The following NARS2 variants were observed in gnomAD, a reference collection of about 807,000 sequenced individuals.
NARS2 encodes the protein asparaginyl-tRNA synthetase.
NARS2 carries 60 observed loss-of-function variants against 62.9 expected under a neutral mutation model. The ratio of observed to expected loss-of-function variants is 0.95; its 90% CI spans 0.77 to 1.18. The LOEUF (loss-of-function observed/expected upper bound fraction) is 1.18, where lower values mean the gene tolerates loss of function less well. Ranked by LOEUF, NARS2 falls within the 50% of genes most tolerant of loss-of-function variation. The pLI, the probability that NARS2 is intolerant of heterozygous loss-of-function variation, is 0.00. For missense variants in NARS2, 619 were observed against 576.4 expected, an observed-to-expected ratio of 1.07 and a Z score of -0.76; for synonymous variants, 196 against 200.0, an observed-to-expected ratio of 0.98 and a Z score of 0.17.
At chr11:78,473,299 A>T (rs939395045) in intron 9 of NARS2, among the ~76,000 whole-genome samples, 7 of 152,242 alleles carry the variant, frequency 4.6e-5, no homozygotes, top group African/African-American at 1.7e-4. Flanking sequence ...GTTCTAAGGT[A>T]ACAGGTATTT....
intron 9 of NARS2, among the ~76,000 whole-genome samples, chr11:78,471,180 G>T (rs1204697220): frequency 6.6e-6 from 1 of 152,108 alleles, no homozygotes; most frequent in Non-Finnish European, 1.5e-5. Context: ...CAGTAATAAC[G>T]ATTTTAAAAT....
chr11:78,507,899 G>T (rs1860565853), intron 6 of NARS2, among the ~76,000 whole-genome samples: 1 of 152,110 alleles, frequency 6.6e-6, no homozygotes, highest in African/African-American at 2.4e-5. Flanking sequence ...TAAATCCACA[G>T]AAATTGTCCC....
intron 5 of NARS2, among the ~76,000 whole-genome samples, chr11:78,532,859 T>C (rs1354124338): frequency 1.3e-5 from 2 of 152,332 alleles, no homozygotes; most frequent in Non-Finnish European, 1.5e-5. Context: ...CTGCTGTAAC[T>C]CATAAATCAG....
intron 4 of NARS2, among the ~76,000 whole-genome samples, chr11:78,563,215 A>ATT (rs71046983): frequency 0.026 from 2,981 of 115,666 alleles, 136 homozygotes; most frequent in African/African-American, 0.03. Flanking sequence ...AACCACTTGA[A>ATT]TTTTTTTTTT....
chr11:78,469,161 ATT>A (rs1283980288), intron 10 of NARS2, 84 bp downstream of exon 10: 117 of 901,048 alleles, frequency 1.3e-4, no homozygotes, highest in Non-Finnish European at 2.0e-4. Context: ...AATTAAGATG[ATT>A]TTGAAAGATT....
intron 11 of NARS2, among the ~76,000 whole-genome samples, chr11:78,461,695 C>T (rs988086619): frequency 1.4e-5 from 2 of 146,900 alleles, no homozygotes; most frequent in African/African-American, 5.1e-5. Flanking sequence ...GCCTGTAATC[C>T]AAACACTTTA....
In NARS2 at chr11:78,442,951, C is replaced by A. The variant is rs530181140; in HGVS notation, c.1262+710G>T. Among the ~76,000 whole-genome samples the A allele has an allele frequency of 1.2e-3, 184 of 152,276 alleles. No individual in the cohort carries two copies. The South Asian group carries it at 0.013, about 11-fold the overall frequency. On this transcript the variant is annotated intron_variant, in intron 12 of 13. Transcript: ENST00000281038. ...TTCCCCAACTTCATCCTTTCCCTGG[C>A]TCAGAGTTTGTCTTTATGTCCTTAT... is the stretch of plus-strand genomic sequence containing the variant.
chr11:78,547,461 A>G (rs938276852), intron 5 of NARS2, among the ~76,000 whole-genome samples: 7 of 152,252 alleles, frequency 4.6e-5, no homozygotes, highest in Non-Finnish European at 1.0e-4. Context: ...TGAAATACAT[A>G]TATTGATACA....
chr11:78,457,853 TATC>T (rs887585613), intron 11 of NARS2, among the ~76,000 whole-genome samples: 8 of 152,052 alleles, frequency 5.3e-5, no homozygotes, highest in African/African-American at 1.7e-4. Flanking sequence ...CATTGTACTT[TATC>T]ATAAGATTTT....
In NARS2 at chr11:78,436,640, G is replaced by C; in HGVS notation, c.*30C>G. ...AATCATGTGCAGTGTCTCTGCCATGGGGGGTGCTTTTCCTTAACCAATCTT... is the reference window on the plus strand; with the variant it reads ...AATCATGTGCAGTGTCTCTGCCATGCGGGGTGCTTTTCCTTAACCAATCTT... On this transcript the variant is annotated 3_prime_UTR_variant, in exon 14 of 14. Coordinates refer to ENST00000281038, the MANE Select transcript of NARS2 (RefSeq NM_024678.6). 1.2e-6 allele frequency: 2 copies of C among 1,612,954 alleles called. No homozygotes were observed. The highest frequency in any genetic ancestry group is 1.7e-6 in the Non-Finnish European group (2 of 1,179,168).
chr11:78,455,675 T>C (rs61454002), intron 11 of NARS2, among the ~76,000 whole-genome samples: 2,450 of 152,094 alleles, frequency 0.016, 55 homozygotes, highest in African/African-American at 0.056. Context: ...TCTAAGTCCA[T>C]AGCTCTTCCT....
At chr11:78,566,097 T>C (rs1204751677) in intron 4 of NARS2, 35 bp downstream of exon 4, 4 of 1,548,550 alleles carry the variant, frequency 2.6e-6, no homozygotes, top group Non-Finnish European at 3.5e-6. Flanking sequence ...ATTAAAACTG[T>C]TTAAAGGGTC....
chr11:78,563,828 T>TC (rs1344954471), intron 4 of NARS2, among the ~76,000 whole-genome samples: 7 of 16,084 alleles, frequency 4.4e-4, no homozygotes, highest in African/African-American at 9.4e-4. Flanking sequence ...GAACTCTGTA[T>TC]CAAAAAAAAA....
In NARS2 at chr11:78,493,071, G is replaced by T. The variant is rs1350346125; in HGVS notation, c.814C>A (p.Leu272Ile). ...EISFVDSLQD[L>I]MQVIEELFKA... Reference sequence around the variant, plus strand: ...AAAACTTGTGTACCTACCTGCATAAGATCTTGAAGGCTGTCAACAAAAGAA... The same window carrying T: ...AAAACTTGTGTACCTACCTGCATAATATCTTGAAGGCTGTCAACAAAAGAA... The change falls in exon 7 of 14, where the codon CTT (leucine) becomes ATT (isoleucine). Residue 272 changes from leucine (L) to isoleucine (I), a missense_variant. Transcript: ENST00000281038. The T allele has an allele frequency of 6.2e-7, 1 of 1,610,796 alleles. No individual in the cohort carries two copies. Among genetic ancestry groups the T allele is most frequent in the Non-Finnish European group, 8.5e-7 (1 of 1,178,900 alleles).
At chr11:78,468,515 C>T (rs757638200) in intron 10 of NARS2, among the ~76,000 whole-genome samples, 2 of 150,988 alleles carry the variant, frequency 1.3e-5, no homozygotes, top group African/African-American at 4.9e-5. Context: ...TGCCATTCTC[C>T]TGCCTCAGCC....
At chr11:78,512,300 C>G (rs956730769) in intron 6 of NARS2, among the ~76,000 whole-genome samples, 1 of 152,172 alleles carries the variant, frequency 6.6e-6, no homozygotes, top group Non-Finnish European at 1.5e-5. Flanking sequence ...AACTCCAGTT[C>G]TGTCAGTAAT....
chr11:78,484,697 T>C (rs1591187905), intron 7 of NARS2, among the ~76,000 whole-genome samples: 1 of 152,162 alleles, frequency 6.6e-6, no homozygotes, highest in Admixed American at 6.6e-5. Flanking sequence ...CCATCTTATA[T>C]CAGTTAGAAT....
At chr11:78,444,715 T>A (rs1857691590) in intron 11 of NARS2, among the ~76,000 whole-genome samples, 1 of 89,104 alleles carries the variant, frequency 1.1e-5, no homozygotes, top group Non-Finnish European at 2.2e-5. Context: ...CAAGACTCTG[T>A]CTCAAACAAA....
At position 78,574,511 on chromosome 11, in the gene NARS2, G is replaced by A; in HGVS notation, c.-23C>T. On this transcript the variant is annotated 5_prime_UTR_variant, in exon 1 of 14. Transcript: ENST00000281038. ...CATCCCGCGTCCGCCCAGGCCCTCC[G>A]CGGGAGCAGCCCAGACCCCACGGTT... 3 of 1,591,174 alleles carry A rather than the reference G, an allele frequency of 1.9e-6. No individual in the cohort carries two copies. The South Asian group carries it at 3.3e-5, about 18-fold the overall frequency.
Sources: allele counts gnomAD v4.1 joint callset (sites outside exome capture counted in the v4.1 genomes callset), GRCh38; gene constraint gnomAD v4.1.1; transcripts MANE v1.5; gene names NCBI Gene and HGNC (gene_info 2026-07-23, HGNC 2026-07-21).